KCNC2: variants seen among roughly 807,000 people sequenced by gnomAD.
KCNC2 encodes the protein voltage-gated potassium channel KCNC2.
Under a neutral mutation model 44.5 loss-of-function variants are expected in KCNC2, and 21 were observed. That is an observed-to-expected ratio of 0.47 (90% CI 0.33 to 0.68). The LOEUF is 0.68. KCNC2 is among the 30% of genes least tolerant of loss of function. The pLI is 0.01. For missense variants in KCNC2, 589 were observed against 826.2 expected, an observed-to-expected ratio of 0.71 and a Z score of 3.52; for synonymous variants, 391 against 339.1, an observed-to-expected ratio of 1.15 and a Z score of -1.68.
At chr12:75,109,372 A>T (rs759870710) in intron 2 of KCNC2, among the ~76,000 whole-genome samples, 2 of 152,170 alleles carry the variant, frequency 1.3e-5, no homozygotes, top group Non-Finnish European at 2.9e-5. Flanking sequence ...GCAGTCCAGA[A>T]ACAAGGGGCC....
chr12:75,151,728 T>A (rs1890407347), intron 2 of KCNC2, among the ~76,000 whole-genome samples: 1 of 151,324 alleles, frequency 6.6e-6, no homozygotes, highest in Non-Finnish European at 1.5e-5. Flanking sequence ...TTTGGTATTA[T>A]CAAGAATCAA....
chr12:75,148,391 T>G (rs1485989524), intron 2 of KCNC2, among the ~76,000 whole-genome samples: 9 of 152,102 alleles, frequency 5.9e-5, no homozygotes, highest in Admixed American at 5.2e-4. Context: ...TTTTCCGCCT[T>G]GATTTTCTTT....
At chr12:75,068,617 T>C (rs1307451552) in intron 2 of KCNC2, among the ~76,000 whole-genome samples, 1 of 152,206 alleles carries the variant, frequency 6.6e-6, no homozygotes, top group African/African-American at 2.4e-5. Context: ...AAAAAGATCA[T>C]ATTTGGACTG....
At chr12:75,204,592 A>G (rs868197771) in intron 2 of KCNC2, among the ~76,000 whole-genome samples, 30 of 152,144 alleles carry the variant, frequency 2.0e-4, no homozygotes, top group African/African-American at 6.5e-4. Context: ...AAATACTTCT[A>G]TTAAGAATGA....
chr12:75,199,031 T>A (rs2031014173), intron 2 of KCNC2, among the ~76,000 whole-genome samples: 1 of 151,848 alleles, frequency 6.6e-6, no homozygotes, highest in African/African-American at 2.4e-5. Context: ...AATTTTAAAA[T>A]CCTGGATAAA....
chr12:75,170,354 C>G (rs546897104), intron 2 of KCNC2, among the ~76,000 whole-genome samples: 11 of 151,642 alleles, frequency 7.3e-5, no homozygotes, highest in African/African-American at 2.7e-4. Context: ...TTCAAATGTA[C>G]CAAGAGGAAG....
intron 2 of KCNC2, among the ~76,000 whole-genome samples, chr12:75,108,063 G>A (rs543446490): frequency 1.3e-5 from 2 of 152,212 alleles, no homozygotes; most frequent in South Asian, 2.1e-4. Flanking sequence ...TACTTCAATC[G>A]ATAGTAAGAA....
intron 2 of KCNC2, among the ~76,000 whole-genome samples, chr12:75,172,312 TG>T (rs1380321850): frequency 6.6e-6 from 1 of 151,816 alleles, no homozygotes; most frequent in Non-Finnish European, 1.5e-5. Context: ...GGACACTCAC[TG>T]GGGCATGTTG....
intron 2 of KCNC2, among the ~76,000 whole-genome samples, chr12:75,052,822 C>A (rs1881324251): frequency 6.6e-6 from 1 of 152,084 alleles, no homozygotes; most frequent in Non-Finnish European, 1.5e-5. Context: ...TAAAGAACCA[C>A]CTCAAATTAT....
At chr12:75,114,506 C>T (rs1344853574) in intron 2 of KCNC2, among the ~76,000 whole-genome samples, 1 of 152,168 alleles carries the variant, frequency 6.6e-6, no homozygotes, top group Non-Finnish European at 1.5e-5. Context: ...TAAGTCTTGG[C>T]CCCCTGAGCC....
At chr12:75,184,932 T>G (rs1892831586) in intron 2 of KCNC2, among the ~76,000 whole-genome samples, 1 of 152,194 alleles carries the variant, frequency 6.6e-6, no homozygotes, top group Admixed American at 6.5e-5. Context: ...ATTGTGACAG[T>G]TGATATCTTC....
intron 2 of KCNC2, among the ~76,000 whole-genome samples, chr12:75,155,299 T>G (rs184180214): frequency 1.3e-5 from 2 of 151,902 alleles, no homozygotes; most frequent in African/African-American, 4.8e-5. Context: ...AGCACTAGAC[T>G]ATTTAAAACC....
intron 2 of KCNC2, among the ~76,000 whole-genome samples, chr12:75,149,555 G>T (rs574157475): frequency 2.0e-5 from 3 of 151,656 alleles, no homozygotes; most frequent in Non-Finnish European, 4.4e-5. Context: ...AATGATCAGC[G>T]GATGTGGTAT....
intron 2 of KCNC2, among the ~76,000 whole-genome samples, chr12:75,067,788 T>C (rs1882983640): frequency 6.6e-6 from 1 of 152,158 alleles, no homozygotes; most frequent in Non-Finnish European, 1.5e-5. Context: ...TTTACCTGCC[T>C]CCTTCTGTTT....
In KCNC2 at chr12:75,183,562, C is replaced by T. The variant is rs79048439; in HGVS notation, c.687+23735G>A. ...ACCCTGGAAATGAAAGCAAACTTTACATTCAAAATTTTTGTAAGATCTTAT... is the reference window on the plus strand; with the variant it reads ...ACCCTGGAAATGAAAGCAAACTTTATATTCAAAATTTTTGTAAGATCTTAT... On this transcript the variant is annotated intron_variant, in intron 2 of 4. Transcript: ENST00000549446. 4.0e-3 allele frequency among the ~76,000 whole-genome samples: 612 copies of T among 152,270 alleles called. 34 individuals carry two copies. The East Asian group carries it at 0.1, about 25-fold the overall frequency.
At chr12:75,056,314 A>C (rs150752539) in intron 2 of KCNC2, among the ~76,000 whole-genome samples, 79 of 152,196 alleles carry the variant, frequency 5.2e-4, no homozygotes, top group African/African-American at 1.8e-3. Context: ...TAAAGGAAGA[A>C]AAACTTAAAA....
intron 2 of KCNC2, among the ~76,000 whole-genome samples, chr12:75,115,605 T>C (rs1887603443): frequency 6.6e-6 from 1 of 152,318 alleles, no homozygotes; most frequent in African/African-American, 2.4e-5. Flanking sequence ...CCTCTGCATA[T>C]CAAAGTCTTC....
intron 2 of KCNC2, among the ~76,000 whole-genome samples, chr12:75,174,337 C>A (rs1475639479): frequency 6.6e-6 from 1 of 151,748 alleles, no homozygotes; most frequent in Non-Finnish European, 1.5e-5. Context: ...GCTAAAATGT[C>A]ATAAAATGAA....
At chr12:75,045,231 C>T (rs778226376) in intron 4 of KCNC2, among the ~76,000 whole-genome samples, 4 of 151,946 alleles carry the variant, frequency 2.6e-5, no homozygotes, top group Non-Finnish European at 4.4e-5. Context: ...CTACAATCTC[C>T]TTGCTCCTAC....
Sources: gnomAD v4.1 joint callset for allele counts (sites outside exome capture counted in the v4.1 genomes callset) on GRCh38, gnomAD v4.1.1 for gene constraint, MANE v1.5 for transcripts, NCBI Gene and HGNC (gene_info 2026-07-23, HGNC 2026-07-21) for gene names.